Variants in BCR observed in about 807,000 individuals in gnomAD.
BCR encodes the protein BCR activator of RhoGEF and GTPase, also known as breakpoint cluster region protein.
Under a neutral mutation model 138.6 loss-of-function variants are expected in BCR, and 58 were observed. The observed-to-expected ratio is 0.42, with a 90% confidence interval of 0.34 to 0.52. The LOEUF is 0.52. BCR is among the 20% of genes least tolerant of loss of function. The pLI is 0.06. For synonymous variants in BCR, 786 were observed against 730.1 expected (o/e 1.08, Z -1.23); for missense variants, 1,599 against 1,727.2 (o/e 0.93, Z 1.32).
intron 4 of BCR, among the ~76,000 whole-genome samples, chr22:23,267,297 A>G (rs2073453620): frequency 1.3e-5 from 2 of 151,970 alleles, no homozygotes; most frequent in South Asian, 4.1e-4. Context: ...GAATTGGAGG[A>G]TGCAAGGACT....
rs2073802509 is a variant in BCR at position 23,292,740 on chromosome 22, C to T, written c.2880+102C>T. On this transcript the variant is annotated intron_variant, in intron 15 of 22. Coordinates refer to ENST00000305877, the MANE Select transcript of BCR (RefSeq NM_004327.4). ...TTCAGGGGCTCCCTGAGGGCTTCCCCCGAAGGCAGTGCTGCTGAATTCCAG... is the reference window on the plus strand; with the variant it reads ...TTCAGGGGCTCCCTGAGGGCTTCCCTCGAAGGCAGTGCTGCTGAATTCCAG... 5 of 968,070 alleles carry T rather than the reference C, an allele frequency of 5.2e-6. No homozygotes were observed. In the Admixed American group the frequency reaches 7.8e-5, roughly 15 times the overall value. 60.0% of individuals were successfully genotyped at this position (968,070 alleles called of 1,614,324 possible). A position where few individuals can be genotyped will look rare whatever the true frequency, so the allele number is the denominator to read the frequency against.
intron 1 of BCR, among the ~76,000 whole-genome samples, chr22:23,219,092 G>A (rs1310025793): frequency 6.6e-6 from 1 of 152,214 alleles, no homozygotes; most frequent in Non-Finnish European, 1.5e-5. Context: ...TGGACGGAGG[G>A]CCAGGCCAAC....
chr22:23,184,583 C>T (rs1043875342), intron 1 of BCR, among the ~76,000 whole-genome samples: 5 of 152,304 alleles, frequency 3.3e-5, no homozygotes, highest in African/African-American at 1.2e-4. Context: ...GTTAACATCT[C>T]CCACCAGAGG....
intron 9 of BCR, 96 bp from the exon 10 acceptor site, chr22:23,284,937 T>C: frequency 2.2e-6 from 3 of 1,387,754 alleles, no homozygotes; most frequent in Non-Finnish European, 3.0e-6. Flanking sequence ...AAACCATGTA[T>C]GGCCGAGAAC....
chr22:23,276,708 C>T (rs1002352149), intron 8 of BCR, among the ~76,000 whole-genome samples: 7 of 152,224 alleles, frequency 4.6e-5, no homozygotes, highest in Non-Finnish European at 8.8e-5. Context: ...GGGGCAGATG[C>T]TGCTGATCAG....
intron 1 of BCR, among the ~76,000 whole-genome samples, chr22:23,217,978 C>G (rs1409588020): frequency 6.6e-6 from 1 of 152,160 alleles, no homozygotes; most frequent in African/African-American, 2.4e-5. Context: ...TCAGGCCCTG[C>G]AGGGAAGGGT....
intron 1 of BCR, among the ~76,000 whole-genome samples, chr22:23,212,187 T>G (rs1203419334): frequency 1.3e-5 from 2 of 152,062 alleles, no homozygotes; most frequent in Non-Finnish European, 2.9e-5. Flanking sequence ...GGAAGCGGGC[T>G]GGAGAGAGGA....
intron 10 of BCR, among the ~76,000 whole-genome samples, chr22:23,286,778 T>C (rs1350010240): frequency 6.6e-6 from 1 of 152,002 alleles, no homozygotes; most frequent in Non-Finnish European, 1.5e-5. Flanking sequence ...TGAAACCTAG[T>C]TGGATTAGGA....
chr22:23,313,720 C>T (rs1485107322), intron 20 of BCR, among the ~76,000 whole-genome samples: 3 of 152,276 alleles, frequency 2.0e-5, no homozygotes, highest in Admixed American at 6.5e-5. Flanking sequence ...GCTGCTCTAG[C>T]GGCTCCTCCT....
chr22:23,313,956 C>T lies in BCR; in HGVS notation c.3458-12C>T, dbSNP rs772331146. On this transcript the variant is annotated splice_polypyrimidine_tract_variant and intron_variant, in intron 20 of 22. Coordinates refer to ENST00000305877, the MANE Select transcript of BCR (RefSeq NM_004327.4). ...GTTGTGACCCCAAGGAGTAACCCAC[C>T]GCCTTCTGCAGCTCTTTCAGACCCG... The T allele has an allele frequency of 8.1e-6, 13 of 1,611,658 alleles. No homozygotes were observed. Among genetic ancestry groups the T allele is most frequent in the Admixed American group, 6.7e-5 (4 of 59,982 alleles).
intron 1 of BCR, among the ~76,000 whole-genome samples, chr22:23,189,533 T>G (rs1343511490): frequency 6.6e-6 from 1 of 151,888 alleles, no homozygotes; most frequent in African/African-American, 2.4e-5. Flanking sequence ...AGTTTCGCTC[T>G]TATTTTGCCC....
chr22:23,225,274 T>A (rs1363471566), intron 1 of BCR, among the ~76,000 whole-genome samples: 2 of 151,718 alleles, frequency 1.3e-5, no homozygotes, highest in African/African-American at 4.8e-5. Context: ...ACCAGAGACA[T>A]CATCTGAACC....
rs1036488628 is a variant in BCR, at chr22:23,234,793, G to A, written c.1280-19006G>A. 2.1e-5 allele frequency among the ~76,000 whole-genome samples: 3 copies of A among 143,984 alleles called. 1 individual carries two copies. The highest frequency in any genetic ancestry group is 3.2e-5 in the Non-Finnish European group (2 of 63,272). The allele number at this position is 143,984 out of a possible 152,430, so 94.5% of individuals were successfully genotyped here. ...ACTCCCCAGTCGTGGGCCCTGATGC[G>A]GGGGTGTGTGTGAGCTGGAGCCGTG... On this transcript the variant is annotated intron_variant, in intron 1 of 22. Transcript: ENST00000305877.
At chr22:23,200,769 G>A (rs1458239872) in intron 1 of BCR, among the ~76,000 whole-genome samples, 3 of 151,768 alleles carry the variant, frequency 2.0e-5, no homozygotes, top group Admixed American at 1.3e-4. Context: ...CATGTTGCCC[G>A]TGCCAGTCTC....
At chr22:23,250,825 TTAAAA>T (rs2073216991) in intron 1 of BCR, among the ~76,000 whole-genome samples, 1 of 152,066 alleles carries the variant, frequency 6.6e-6, no homozygotes, top group Non-Finnish European at 1.5e-5. Flanking sequence ...AACGTCTCTG[TTAAAA>T]TTAATAAATG....
intron 1 of BCR, among the ~76,000 whole-genome samples, chr22:23,225,680 G>A (rs1221458964): frequency 1.3e-5 from 2 of 152,230 alleles, no homozygotes; most frequent in Non-Finnish European, 1.5e-5. Context: ...ATAGGGTGAT[G>A]GGGTAGAATC....
chr22:23,260,719 G>A (rs1380811999), intron 2 of BCR, among the ~76,000 whole-genome samples: 3 of 152,218 alleles, frequency 2.0e-5, no homozygotes, highest in Admixed American at 6.5e-5. Flanking sequence ...AAGAGTAAGG[G>A]TGGCCCTGGT....
chr22:23,296,122 C>A (rs1360618118), intron 16 of BCR, among the ~76,000 whole-genome samples: 1 of 151,848 alleles, frequency 6.6e-6, no homozygotes, highest in Non-Finnish European at 1.5e-5. Context: ...CGCCTGTAAT[C>A]CCAGCACTTT....
Position 23,229,569 on chromosome 22 carries a change from C to T in BCR, c.1280-24230C>T, listed in dbSNP as rs889206264. ...GGCTCACTTTCTCAGCTCTGTGGTT[C>T]CGGTATCCACCCTGCTGTTGACCAC... On this transcript the variant is annotated intron_variant, in intron 1 of 22. Coordinates refer to ENST00000305877, the MANE Select transcript of BCR (RefSeq NM_004327.4). 1.7e-4 allele frequency among the ~76,000 whole-genome samples: 26 copies of T among 152,170 alleles called. No homozygotes were observed. In the East Asian group the frequency reaches 5.0e-3, roughly 29 times the overall value.
Sources: gnomAD v4.1 joint callset for allele counts (sites outside exome capture counted in the v4.1 genomes callset) on GRCh38, gnomAD v4.1.1 for gene constraint, MANE v1.5 for transcripts, NCBI Gene and HGNC (gene_info 2026-07-23, HGNC 2026-07-21) for gene names.